FGF10: variants seen among roughly 807,000 people sequenced by gnomAD.
FGF10 encodes FGF-10.
FGF10 carries 2 observed loss-of-function variants against 19.8 expected under a neutral mutation model. That is an observed-to-expected ratio of 0.10 (90% CI 0.04 to 0.32). The LOEUF is 0.32. FGF10 is among the 10% of genes least tolerant of loss of function. The pLI, the probability that FGF10 is intolerant of heterozygous loss-of-function variation, is 1.00. For missense variants in FGF10, 191 were observed against 246.3 expected (o/e 0.78, Z 1.50); for synonymous variants, 112 against 94.0 (o/e 1.19, Z -1.10).
rs886060653 is a variant in FGF10 at position 44,304,998 on chromosome 5, T to C, written c.624A>G (p.Ser208=). 8 of 1,613,872 alleles carry C rather than the reference T, an allele frequency of 5.0e-6. No individual in the cohort carries two copies. In the Admixed American group the frequency reaches 1.3e-4, roughly 27 times the overall value. ...SAHFLPMVVH[S] is the part of the protein sequence containing the mutation. ...CATCCACAAACGTTGCCTTCCTCTATGAGTGTACCACCATTGGAAGAAAGT... is the reference window on the plus strand; with the variant it reads ...CATCCACAAACGTTGCCTTCCTCTACGAGTGTACCACCATTGGAAGAAAGT... The change falls in exon 3 of 3, where the codon TCA becomes TCG. Residue 208 remains serine (S), a synonymous_variant. Transcript: ENST00000264664.
At chr5:44,319,200 C>T (rs1740424342) in intron 1 of FGF10, among the ~76,000 whole-genome samples, 2 of 152,102 alleles carry the variant, frequency 1.3e-5, no homozygotes, top group South Asian at 4.2e-4. Context: ...TTGGCCACTG[C>T]ATTTTATTTA....
At position 44,303,612 on chromosome 5, in the gene FGF10, T is replaced by A. The variant is rs186541473; in HGVS notation, c.*1383A>T. ...GTAAACTCTTATGTACTCTTTTCTATACCTGCTCTAACAAAATGAATTTTG... is the reference window on the plus strand; with the variant it reads ...GTAAACTCTTATGTACTCTTTTCTAAACCTGCTCTAACAAAATGAATTTTG... On this transcript the variant is annotated 3_prime_UTR_variant, in exon 3 of 3. Transcript: ENST00000264664. 6.6e-6 allele frequency: 1 copy of A among 152,214 alleles called. No homozygotes were observed. The highest frequency in any genetic ancestry group is 1.5e-5 in the Non-Finnish European group (1 of 68,030). The allele number at this position is 152,214 out of a possible 1,614,324, so 9.4% of individuals were successfully genotyped here. A position where few individuals can be genotyped will look rare whatever the true frequency, so the allele number is the denominator to read the frequency against.
intron 2 of FGF10, among the ~76,000 whole-genome samples, chr5:44,308,129 A>C (rs1273743710): frequency 1.3e-5 from 2 of 152,222 alleles, no homozygotes; most frequent in Non-Finnish European, 2.9e-5. Context: ...GATAATAGAA[A>C]GCCACCGGAC....
intron 1 of FGF10, among the ~76,000 whole-genome samples, chr5:44,364,990 T>C (rs1158457672): frequency 2.0e-5 from 3 of 151,800 alleles, no homozygotes; most frequent in African/African-American, 7.3e-5. Context: ...AGTTAAAAAA[T>C]ATATAGATAA....
intron 1 of FGF10, among the ~76,000 whole-genome samples, chr5:44,342,131 G>A (rs1373880641): frequency 2.0e-5 from 3 of 151,958 alleles, no homozygotes; most frequent in African/African-American, 7.2e-5. Flanking sequence ...ATGCTACCAC[G>A]TATTCCTTAA....
intron 1 of FGF10, among the ~76,000 whole-genome samples, chr5:44,366,889 G>A (rs1741627283): frequency 6.6e-6 from 1 of 151,948 alleles, no homozygotes; most frequent in African/African-American, 2.4e-5. Context: ...TTCTGAACTT[G>A]GGAACTATGG....
At chr5:44,364,942 A>G (rs1401639424) in intron 1 of FGF10, among the ~76,000 whole-genome samples, 2 of 151,952 alleles carry the variant, frequency 1.3e-5, no homozygotes, top group Non-Finnish European at 2.9e-5. Flanking sequence ...AGGAGAAACC[A>G]AGGCAAAATG....
Position 44,388,559 on chromosome 5 carries a change from GAC to G in FGF10, c.122_123del (p.Gly41AlafsTer52), listed in dbSNP as rs1742165682. ...SSVPVTCQAL[G>X]QDMVSPEATN... Reference sequence around the variant, plus strand: ...GTGGCCTCTGGTGACACCATGTCCTGACCAAGGGCTTGGCAGGTGACAGGGAC... The same window carrying G: ...GTGGCCTCTGGTGACACCATGTCCTGCAAGGGCTTGGCAGGTGACAGGGAC... On this transcript the variant is annotated frameshift_variant, in exon 1 of 3. Coordinates refer to ENST00000264664, the MANE Select transcript of FGF10 (RefSeq NM_004465.2). LOFTEE classifies it high-confidence loss of function. The G allele has an allele frequency of 6.2e-7, 1 of 1,614,154 alleles. No individual in the cohort carries two copies. The highest frequency in any genetic ancestry group is 2.2e-5 in the East Asian group (1 of 44,856).
intron 1 of FGF10, among the ~76,000 whole-genome samples, chr5:44,341,847 C>G (rs551856756): frequency 6.6e-6 from 1 of 151,900 alleles, no homozygotes; most frequent in African/African-American, 2.4e-5. Context: ...ATTGAACAAC[C>G]CTACTTCATA....
rs576181814 is a variant in FGF10, at chr5:44,388,612, A to AAGC, written c.68_70dup (p.Cys23dup). 54 of 1,613,908 alleles carry AAGC rather than the reference A, an allele frequency of 3.3e-5. No homozygotes were observed. Among genetic ancestry groups the AAGC allele is most frequent in the African/African-American group, 1.3e-4 (10 of 74,880 alleles). On this transcript the variant is annotated inframe_insertion, in exon 1 of 3. Coordinates refer to ENST00000264664, the MANE Select transcript of FGF10 (RefSeq NM_004465.2). ...GGAAGACACCAAGAACAGCAACAAA[A>AAGC]AGCAGCAGCAGCAGCAGCCGGGCAG...
chr5:44,366,394 T>G (rs1216731524), intron 1 of FGF10, among the ~76,000 whole-genome samples: 1 of 151,960 alleles, frequency 6.6e-6, no homozygotes, highest in African/African-American at 2.4e-5. Context: ...AACTCAGACA[T>G]GGCAACATTA....
At chr5:44,376,397 A>T (rs1741855711) in intron 1 of FGF10, among the ~76,000 whole-genome samples, 1 of 148,444 alleles carries the variant, frequency 6.7e-6, no homozygotes. Context: ...ACTTACATGT[A>T]CTCCTTTTCC....
intron 1 of FGF10, among the ~76,000 whole-genome samples, chr5:44,385,263 C>T (rs1016261531): frequency 5.9e-5 from 9 of 152,106 alleles, no homozygotes; most frequent in Non-Finnish European, 1.3e-4. Flanking sequence ...TATAGCCCCC[C>T]ACCCTCAAAA....
At chr5:44,325,874 A>G (rs1740603823) in intron 1 of FGF10, among the ~76,000 whole-genome samples, 1 of 120,094 alleles carries the variant, frequency 8.3e-6, no homozygotes, top group South Asian at 2.5e-4. Flanking sequence ...AGTATAATAC[A>G]AAATTTTAAA....
intron 1 of FGF10, among the ~76,000 whole-genome samples, chr5:44,362,350 C>T (rs1234496240): frequency 6.6e-6 from 1 of 151,636 alleles, no homozygotes; most frequent in African/African-American, 2.4e-5. Flanking sequence ...AGTATTCTTG[C>T]TCCAAACACT....
chr5:44,318,558 C>T (rs1260009263), intron 1 of FGF10, among the ~76,000 whole-genome samples: 1 of 152,096 alleles, frequency 6.6e-6, no homozygotes, highest in African/African-American at 2.4e-5. Flanking sequence ...TTCTCGCGAG[C>T]ATTGGAAGGA....
chr5:44,351,573 T>G (rs11953938), intron 1 of FGF10, among the ~76,000 whole-genome samples: 1,740 of 151,792 alleles, frequency 0.011, 30 homozygotes, highest in African/African-American at 0.039. Context: ...AGAAACATGC[T>G]ACTCTGTAAA....
At chr5:44,339,796 G>C (rs1740927680) in intron 1 of FGF10, among the ~76,000 whole-genome samples, 1 of 152,014 alleles carries the variant, frequency 6.6e-6, no homozygotes, top group Non-Finnish European at 1.5e-5. Flanking sequence ...TATTATCTCA[G>C]ACAAAGGACT....
intron 1 of FGF10, among the ~76,000 whole-genome samples, chr5:44,387,089 A>T (rs1742116795): frequency 6.6e-6 from 1 of 152,246 alleles, no homozygotes; most frequent in African/African-American, 2.4e-5. Context: ...CCAAATGGTC[A>T]CTAAAGATGT....
Sources: allele counts gnomAD v4.1 joint callset (sites outside exome capture counted in the v4.1 genomes callset), GRCh38; gene constraint gnomAD v4.1.1; transcripts MANE v1.5; gene names NCBI Gene and HGNC (gene_info 2026-07-23, HGNC 2026-07-21).